Variants in RANBP2 observed in about 807,000 individuals in gnomAD.
RANBP2 encodes RAN binding protein 2.
RANBP2 carries 57 observed loss-of-function variants against 303.6 expected under a neutral mutation model. The observed-to-expected ratio is 0.19, with a 90% CI of 0.15 to 0.23. The LOEUF (loss-of-function observed/expected upper bound fraction) is 0.23, where lower values mean the gene tolerates loss of function less well. RANBP2 is among the 10% of genes least tolerant of loss of function. The pLI, the probability that RANBP2 is intolerant of heterozygous loss-of-function variation, is 1.00. For synonymous variants in RANBP2, 1,167 were observed against 1,301.5 expected (o/e 0.90, Z 2.23); for missense variants, 3,138 against 3,780.8 (o/e 0.83, Z 4.46).
At chr2:108,908,092 A>T in the RANBP2 span, 1 of 1,494,372 alleles carries the variant, frequency 6.7e-7, no homozygotes, top group Non-Finnish European at 9.0e-7. Context: ...TCCTGTGGTG[A>T]ACTTGTCCAT....
the RANBP2 span, among the ~76,000 whole-genome samples, chr2:109,366,404 G>GA: frequency 6.6e-6 from 1 of 152,092 alleles, no homozygotes; most frequent in Non-Finnish European, 1.5e-5. Context: ...AAATTAAGTG[G>GA]AAAAAAGCAA....
the RANBP2 span, chr2:109,251,569 A>G: frequency 1.2e-6 from 1 of 824,788 alleles, no homozygotes; most frequent in Non-Finnish European, 2.2e-6. Context: ...GGAGATGGCG[A>G]CTGGTGGGCA....
the RANBP2 span, among the ~76,000 whole-genome samples, chr2:108,941,065 G>A: frequency 7.9e-5 from 12 of 152,118 alleles, no homozygotes; most frequent in Non-Finnish European, 1.5e-4. Context: ...AATTTAAACC[G>A]ATTTTGCCTG....
the RANBP2 span, among the ~76,000 whole-genome samples, chr2:108,966,165 C>T: frequency 2.2e-4 from 33 of 152,334 alleles, 1 homozygote; most frequent in Middle Eastern, 3.4e-3. Flanking sequence ...GCCTCTCCTC[C>T]TGGTCTTTTA....
chr2:109,314,507 C>T, the RANBP2 span, among the ~76,000 whole-genome samples: 2 of 152,160 alleles, frequency 1.3e-5, no homozygotes, highest in Non-Finnish European at 2.9e-5. Flanking sequence ...CACCTCCGTG[C>T]AGGAATGAAT....
chr2:109,018,967 T>C, the RANBP2 span, among the ~76,000 whole-genome samples: 3 of 152,174 alleles, frequency 2.0e-5, no homozygotes, highest in African/African-American at 7.2e-5. Flanking sequence ...ATCTGCAGAA[T>C]AAATGGAAAA....
the RANBP2 span, among the ~76,000 whole-genome samples, chr2:109,416,923 AAGAATTG>A: frequency 6.6e-6 from 1 of 151,172 alleles, no homozygotes; most frequent in African/African-American, 2.4e-5. Context: ...AAAAAAAAAA[AAGAATTG>A]TATGTCCAGT....
chr2:109,419,034 G>A, the RANBP2 span, among the ~76,000 whole-genome samples: 2 of 152,194 alleles, frequency 1.3e-5, no homozygotes, highest in South Asian at 2.1e-4. Flanking sequence ...GGAGCACTTT[G>A]GGGTCTTGGG....
At chr2:108,814,244 G>A in the RANBP2 span, among the ~76,000 whole-genome samples, 56 of 152,282 alleles carry the variant, frequency 3.7e-4, no homozygotes, top group African/African-American at 1.3e-3. Context: ...GTGTATCAAA[G>A]TTTTGGTTGC....
chr2:108,786,269 T>A (rs1217613952), downstream of RANBP2, among the ~76,000 whole-genome samples: 2 of 150,332 alleles, frequency 1.3e-5, no homozygotes, highest in East Asian at 3.9e-4. Flanking sequence ...TTTTTTTTTT[T>A]AACTTTAAGA....
chr2:109,137,257 TC>T, the RANBP2 span, among the ~76,000 whole-genome samples: 1 of 152,230 alleles, frequency 6.6e-6, no homozygotes, highest in Non-Finnish European at 1.5e-5. Context: ...TCTTCCATAG[TC>T]TAGATTTGCC....
At position 108,735,731 on chromosome 2, in the gene RANBP2, A is replaced by G; in HGVS notation, c.605A>G (p.Glu202Gly). Residue 202 changes from glutamate (E) to glycine (G), a missense_variant, in exon 5 of 29, where the codon GAA (glutamate) becomes GGA (glycine). Coordinates refer to ENST00000283195, the MANE Select transcript of RANBP2 (RefSeq NM_006267.5). ...AACATAGCTTTGCGTTCAAGTTTAG[A>G]ATGGAATTCGTGTGTTGTACAGACC... ...ERNIALRSSL[E>G]WNSCVVQTLK... 6.3e-7 allele frequency: 1 copy of G among 1,597,546 alleles called. No individual in the cohort carries two copies. The highest frequency in any genetic ancestry group is 1.3e-5 in the African/African-American group (1 of 74,958).
chr2:109,574,328 C>A, the RANBP2 span, among the ~76,000 whole-genome samples: 3 of 151,188 alleles, frequency 2.0e-5, no homozygotes, highest in East Asian at 5.8e-4. Context: ...TGCCTATAGT[C>A]CCAGCTACCT....
chr2:109,251,843 C>T, the RANBP2 span, among the ~76,000 whole-genome samples: 2 of 152,100 alleles, frequency 1.3e-5, no homozygotes, highest in African/African-American at 4.8e-5. Context: ...TTTCTAATCC[C>T]TTTAAAGTAC....
the RANBP2 span, among the ~76,000 whole-genome samples, chr2:108,953,026 A>C: frequency 6.6e-6 from 1 of 152,224 alleles, no homozygotes; most frequent in Non-Finnish European, 1.5e-5. Flanking sequence ...GTAGGTGTAC[A>C]TATTTATGTG....
chr2:108,846,842 T>C, the RANBP2 span: 3 of 1,613,546 alleles, frequency 1.9e-6, no homozygotes, highest in Non-Finnish European at 1.7e-6. Context: ...CTGTGGAGAA[T>C]AAACCAAAGA....
chr2:109,564,656 T>C, the RANBP2 span: 32 of 828,428 alleles, frequency 3.9e-5, no homozygotes, highest in East Asian at 5.2e-4. Flanking sequence ...AATGATCAGT[T>C]TGATTAACAG....
At chr2:108,836,045 G>A in the RANBP2 span, among the ~76,000 whole-genome samples, 199 of 152,270 alleles carry the variant, frequency 1.3e-3, no homozygotes, top group African/African-American at 4.7e-3. Context: ...CTCTCCTGAC[G>A]TAAACACTTC....
the RANBP2 span, among the ~76,000 whole-genome samples, chr2:109,421,022 C>T: frequency 6.6e-6 from 1 of 152,310 alleles, no homozygotes; most frequent in Admixed American, 6.5e-5. Flanking sequence ...TTTTCACCAG[C>T]ACTGGACAAA....
Sources: gnomAD v4.1 joint callset for allele counts (sites outside exome capture counted in the v4.1 genomes callset) on GRCh38, gnomAD v4.1.1 for gene constraint, MANE v1.5 for transcripts, NCBI Gene and HGNC (gene_info 2026-07-23, HGNC 2026-07-21) for gene names.